BMPR2: variants seen among roughly 807,000 people sequenced by gnomAD.
BMPR2 encodes bone morphogenetic protein receptor type 2, also known as bone morphogenetic protein receptor type-2.
In BMPR2, 29 loss-of-function variants were observed where a neutral mutation model predicts 100.8. The ratio of observed to expected loss-of-function variants is 0.29; its 90% confidence interval spans 0.21 to 0.39. BMPR2 has a LOEUF of 0.39. Among genes scored for constraint, BMPR2 ranks in the 10% least tolerant of loss-of-function variants. The pLI, the probability that BMPR2 is intolerant of heterozygous loss-of-function variation, is 1.00. For missense variants in BMPR2, 1,011 were observed against 1,274.5 expected (o/e 0.79, Z 3.15); for synonymous variants, 382 against 442.3 (o/e 0.86, Z 1.71).
intron 5 of BMPR2, among the ~76,000 whole-genome samples, chr2:202,518,601 A>T (rs1195210016): frequency 4.6e-5 from 7 of 151,888 alleles, no homozygotes; most frequent in Admixed American, 2.6e-4. Flanking sequence ...TCTTTTTTTT[A>T]AATTTTGTCC....
At chr2:202,414,525 C>G (rs1261431159) in intron 1 of BMPR2, among the ~76,000 whole-genome samples, 1 of 152,200 alleles carries the variant, frequency 6.6e-6, no homozygotes, top group Non-Finnish European at 1.5e-5. Flanking sequence ...AGGCTGAAAG[C>G]TAGGCCTTTT....
intron 1 of BMPR2, among the ~76,000 whole-genome samples, chr2:202,462,013 C>T (rs1473562453): frequency 6.6e-6 from 1 of 151,742 alleles, no homozygotes; most frequent in Non-Finnish European, 1.5e-5. Context: ...TGTTGTTTCC[C>T]GTATGTGGTT....
Position 202,556,207 on chromosome 2 carries a change from C to G in BMPR2, c.2542C>G (p.Gln848Glu). 6.2e-7 allele frequency: 1 copy of G among 1,611,530 alleles called. No homozygotes were observed. Among genetic ancestry groups the G allele is most frequent in the Non-Finnish European group, 8.5e-7 (1 of 1,177,896 alleles). The change falls in exon 12 of 13, where the codon CAG becomes GAG. Residue 848 changes from glutamine to glutamate, a missense_variant. Gln to Glu is a conservative substitution (Grantham distance 29). This residue lies in a region of BMPR2 where 508 missense variants were observed against 552.0 expected (regional missense o/e 0.92). Transcript: ENST00000374580. ...GACACATAGGGCCCAAGAAATGTTGCAGAATCAGTTTATTGGTGAGGACAC... is the reference window on the plus strand; with the variant it reads ...GACACATAGGGCCCAAGAAATGTTGGAGAATCAGTTTATTGGTGAGGACAC... ...IVTHRAQEMLQNQFIGEDTRL... is the reference protein window; with the variant it reads ...IVTHRAQEMLENQFIGEDTRL...
intron 1 of BMPR2, among the ~76,000 whole-genome samples, chr2:202,380,315 T>C (rs1279595083): frequency 2.0e-5 from 3 of 152,226 alleles, no homozygotes; most frequent in Non-Finnish European, 4.4e-5. Context: ...GCGTTTTAAA[T>C]AATTCACTTG....
chr2:202,399,204 A>G (rs893569829), intron 1 of BMPR2, among the ~76,000 whole-genome samples: 5 of 152,214 alleles, frequency 3.3e-5, no homozygotes, highest in Non-Finnish European at 7.3e-5. Context: ...GATAAATGCC[A>G]CAGGGCTATA....
At position 202,552,898 on chromosome 2, in the gene BMPR2, T is replaced by C; in HGVS notation, c.1586+10T>C. On this transcript the variant is annotated intron_variant, in intron 11 of 12. Coordinates refer to ENST00000374580, the MANE Select transcript of BMPR2 (RefSeq NM_001204.7). ...CTATGCAGAATGAACGGTAAGACCC[T>C]AAGGGGTGTGGCATCTATCAATCAG... 6.2e-7 allele frequency: 1 copy of C among 1,614,130 alleles called. No homozygotes were observed.
intron 3 of BMPR2, among the ~76,000 whole-genome samples, chr2:202,509,539 A>G (rs1687584570): frequency 6.6e-6 from 1 of 151,862 alleles, no homozygotes; most frequent in African/African-American, 2.4e-5. Flanking sequence ...TAAAAGCAAA[A>G]AAAAGCCTAG....
At chr2:202,415,157 C>A (rs1691098746) in intron 1 of BMPR2, among the ~76,000 whole-genome samples, 1 of 152,114 alleles carries the variant, frequency 6.6e-6, no homozygotes, top group South Asian at 2.1e-4. Flanking sequence ...GAAGAATATA[C>A]CATCTAGGAC....
At chr2:202,534,836 G>T (rs1224957612) in intron 9 of BMPR2, among the ~76,000 whole-genome samples, 1 of 151,086 alleles carries the variant, frequency 6.6e-6, no homozygotes, top group Admixed American at 6.6e-5. Flanking sequence ...GGACGGGGCG[G>T]CTGGCCAGGC....
In BMPR2 at chr2:202,432,355, G is replaced by C. The variant is rs1007100464; in HGVS notation, c.77-32454G>C. Among the ~76,000 whole-genome samples the C allele has an allele frequency of 2.7e-5, 4 of 150,556 alleles. No individual in the cohort carries two copies. In the East Asian group the frequency reaches 7.7e-4, roughly 29 times the overall value. ...ATTTGAGATTTTTCTTTACCATGCT[G>C]TTTCATTCCATTAGCACAGTGGTAT... On this transcript the variant is annotated intron_variant, in intron 1 of 12. Coordinates refer to ENST00000374580, the MANE Select transcript of BMPR2 (RefSeq NM_001204.7).
intron 6 of BMPR2, among the ~76,000 whole-genome samples, chr2:202,519,878 T>C (rs919275485): frequency 4.6e-5 from 7 of 152,148 alleles, no homozygotes; most frequent in African/African-American, 1.7e-4. Flanking sequence ...ATTTATAATG[T>C]TTAAATTCCC....
At chr2:202,387,710 G>A (rs2105900152) in intron 1 of BMPR2, among the ~76,000 whole-genome samples, 2 of 152,242 alleles carry the variant, frequency 1.3e-5, no homozygotes, top group East Asian at 3.9e-4. Flanking sequence ...CTTCAGTTTT[G>A]GAAAAGAACA....
chr2:202,447,275 C>T lies in BMPR2; in HGVS notation c.77-17534C>T, dbSNP rs563070883. Among the ~76,000 whole-genome samples, 439 of 150,532 alleles carry T rather than the reference C, an allele frequency of 2.9e-3. 5 individuals are homozygous for T. The highest frequency in any genetic ancestry group is 5.5e-3 in the Non-Finnish European group (376 of 68,020). ...AGTGATCCAAGATTTCGCCACTACCCTTGAGCCTGGGCGATGCTGTGAGAC... is the reference window on the plus strand; with the variant it reads ...AGTGATCCAAGATTTCGCCACTACCTTTGAGCCTGGGCGATGCTGTGAGAC... On this transcript the variant is annotated intron_variant, in intron 1 of 12. Transcript: ENST00000374580.
At chr2:202,379,791 C>T (rs1690232650) in intron 1 of BMPR2, among the ~76,000 whole-genome samples, 1 of 151,968 alleles carries the variant, frequency 6.6e-6, no homozygotes, top group African/African-American at 2.4e-5. Flanking sequence ...CTTTTGATTC[C>T]CTCTTTCTCA....
At chr2:202,402,538 CAAAAG>C (rs759985611) in intron 1 of BMPR2, among the ~76,000 whole-genome samples, 5 of 151,976 alleles carry the variant, frequency 3.3e-5, no homozygotes, top group African/African-American at 4.8e-5. Context: ...AACAAACAAA[CAAAAG>C]AAAGAATTAA....
intron 1 of BMPR2, among the ~76,000 whole-genome samples, chr2:202,386,841 C>A (rs1018723094): frequency 2.0e-5 from 3 of 151,932 alleles, no homozygotes; most frequent in African/African-American, 7.3e-5. Context: ...CCACCACGCC[C>A]GGCTAAATTT....
At chr2:202,509,687 T>G (rs1381690193) in intron 3 of BMPR2, among the ~76,000 whole-genome samples, 1 of 151,894 alleles carries the variant, frequency 6.6e-6, no homozygotes, top group Non-Finnish European at 1.5e-5. Context: ...AATATTTTAT[T>G]TAATTGGTAA....
Position 202,376,498 on chromosome 2 carries a change from C to G in BMPR2, c.-977C>G, listed in dbSNP as rs989136434. On this transcript the variant is annotated 5_prime_UTR_variant, in exon 1 of 13. Transcript: ENST00000374580. The stretch of plus-strand genomic sequence containing the variant: ...CCCGAGTTCCGTCAGGAGCCCAGAG[C>G]TGCGGGAGAACGAGGCGGCGGCGGC... Among the ~76,000 whole-genome samples, 1 of 128,792 alleles carries G rather than the reference C, an allele frequency of 7.8e-6. No individual in the cohort carries two copies. The highest frequency in any genetic ancestry group is 8.0e-5 in the Admixed American group (1 of 12,474). The allele number at this position is 128,792 out of a possible 152,430, so 84.5% of individuals were successfully genotyped here.
intron 1 of BMPR2, among the ~76,000 whole-genome samples, chr2:202,405,945 ATTATACAGTCATT>A: frequency 6.6e-6 from 1 of 152,320 alleles, no homozygotes; most frequent in East Asian, 1.9e-4. Flanking sequence ...GGAAACTGAA[ATTATACAGTCATT>A]TTGTAGTTGC....
Sources: gnomAD v4.1 joint callset for allele counts (sites outside exome capture counted in the v4.1 genomes callset) on GRCh38, gnomAD v4.1.1 for gene constraint, gnomAD v4.1.1 regional missense constraint, MANE v1.5 for transcripts, NCBI Gene and HGNC (gene_info 2026-07-23, HGNC 2026-07-21) for gene names.